Variants in NAV2 observed in about 807,000 individuals in gnomAD.
NAV2 encodes the protein neuron navigator 2, also known as helicase, APC down-regulated 1.
NAV2 carries 54 observed loss-of-function variants against 223.2 expected under a neutral mutation model. The observed-to-expected ratio is 0.24, with a 90% confidence interval of 0.19 to 0.30. NAV2 has a LOEUF of 0.30. Ranked by LOEUF, NAV2 falls within the 10% of genes least tolerant of loss-of-function variation. NAV2 has a pLI of 1.00. For missense variants in NAV2, 2,806 were observed against 3,147.5 expected (o/e 0.89, Z 2.60); for synonymous variants, 1,279 against 1,239.3 (o/e 1.03, Z -0.67).
Position 19,615,466 on chromosome 11 carries a change from G to A in NAV2, c.76-217018G>A, listed in dbSNP as rs947712769. On this transcript the variant is annotated intron_variant, in intron 1 of 37. Transcript: ENST00000360655. ...ACAGAGTGCCTCACCACTGTTTTGC[G>A]TTTATTATTGTTACTAAAAATGCAT... 1.6e-4 allele frequency among the ~76,000 whole-genome samples: 24 copies of A among 151,572 alleles called. 1 individual carries two copies. The highest frequency in any genetic ancestry group is 3.9e-4 in the Admixed American group (6 of 15,230).
At chr11:19,440,153 G>T (rs1435869777) in intron 1 of NAV2, among the ~76,000 whole-genome samples, 1 of 152,204 alleles carries the variant, frequency 6.6e-6, no homozygotes, top group African/African-American at 2.4e-5. Context: ...GCAAATGGCT[G>T]GTATACCAGA....
intron 1 of NAV2, among the ~76,000 whole-genome samples, chr11:19,802,887 G>A (rs762766219): frequency 6.6e-6 from 1 of 152,076 alleles, no homozygotes; most frequent in Non-Finnish European, 1.5e-5. Flanking sequence ...TTCCTAAGAA[G>A]CCATTAACCC....
chr11:19,565,006 A>G (rs1474819502), intron 1 of NAV2, among the ~76,000 whole-genome samples: 4 of 152,144 alleles, frequency 2.6e-5, no homozygotes, highest in Non-Finnish European at 4.4e-5. Context: ...GTGATGGCAG[A>G]TGCCTGTAAT....
In NAV2 at chr11:20,086,335, GCCTGTGTCCTT is replaced by G. The variant is rs560550831; in HGVS notation, c.5498+3167_5498+3177del. On this transcript the variant is annotated intron_variant, in intron 26 of 37. Transcript: ENST00000349880. ...TTCCAATCACACTCTCCACCTCAAG[GCCTGTGTCCTT>G]CCTGTGTCCTCTGCCTGGTGTGCTC... Among the ~76,000 whole-genome samples, 1,248 of 152,226 alleles carry G rather than the reference GCCTGTGTCCTT, an allele frequency of 8.2e-3. 5 individuals are homozygous for G. Among genetic ancestry groups the G allele is most frequent in the Non-Finnish European group, 0.015 (1,035 of 68,018 alleles).
At chr11:19,500,293 A>G (rs2042925007) in intron 1 of NAV2, among the ~76,000 whole-genome samples, 1 of 152,094 alleles carries the variant, frequency 6.6e-6, no homozygotes, top group East Asian at 1.9e-4. Context: ...ATGTCATAAG[A>G]GTGAGCTGAG....
intron 1 of NAV2, among the ~76,000 whole-genome samples, chr11:19,373,829 T>C (rs960111709): frequency 6.6e-6 from 1 of 152,186 alleles, no homozygotes; most frequent in Non-Finnish European, 1.5e-5. Context: ...TGTTACATGT[T>C]GAATGAAAGA....
chr11:19,660,412 C>T (rs932870392), intron 1 of NAV2, among the ~76,000 whole-genome samples: 5 of 152,110 alleles, frequency 3.3e-5, no homozygotes, highest in Admixed American at 6.5e-5. Context: ...AGGGTTCATA[C>T]GTTCCTGAAC....
chr11:19,419,050 T>C (rs1850501382), intron 1 of NAV2, among the ~76,000 whole-genome samples: 1 of 152,118 alleles, frequency 6.6e-6, no homozygotes, highest in East Asian at 1.9e-4. Context: ...CCTGTATATA[T>C]GTGATGAGAT....
chr11:20,107,690 A>T lies in NAV2; in HGVS notation c.6868A>T (p.Ile2290Phe). 2 of 1,614,050 alleles carry T rather than the reference A, an allele frequency of 1.2e-6. No homozygotes were observed. Among genetic ancestry groups the T allele is most frequent in the Non-Finnish European group, 1.7e-6 (2 of 1,180,000 alleles). ...CCCCCGGCTCTTCCTGTCATGCCCC[A>T]TCGATGTGGACGGCTCGAGAGTGTG... ...IGPRLFLSCPIDVDGSRVWFT... is the reference protein window; with the variant it reads ...IGPRLFLSCPFDVDGSRVWFT... The change falls in exon 36 of 38, where the codon ATC becomes TTC. Residue 2290 changes from isoleucine (I) to phenylalanine (F), a missense_variant. Coordinates refer to ENST00000349880, the MANE Select transcript of NAV2 (RefSeq NM_145117.5).
chr11:20,071,293 C>T (rs2059392629), intron 22 of NAV2, among the ~76,000 whole-genome samples: 1 of 152,166 alleles, frequency 6.6e-6, no homozygotes, highest in Admixed American at 6.5e-5. Flanking sequence ...GACATGAACT[C>T]ATCCTTTTTA....
At position 20,045,545 on chromosome 11, in the gene NAV2, C is replaced by A. The variant is rs147763383; in HGVS notation, c.3777C>A (p.Asn1259Lys). The A allele has an allele frequency of 1.9e-6, 3 of 1,614,034 alleles. No individual in the cohort carries two copies. Among genetic ancestry groups the A allele is most frequent in the Non-Finnish European group, 2.5e-6 (3 of 1,180,028 alleles). The change falls in exon 14 of 38, where the codon AAC becomes AAA. Residue 1259 changes from asparagine (N) to lysine (K), a missense_variant. Coordinates refer to ENST00000349880, the MANE Select transcript of NAV2 (RefSeq NM_145117.5). ...AGGAGAAAGGCATCTCATCAGACAA[C>A]GAGAGTGTGGCTTCCTGTAACTCGG... ...TDKEKGISSD[N>K]ESVASCNSVK...
chr11:19,647,820 A>C (rs566599302), intron 1 of NAV2, among the ~76,000 whole-genome samples: 2 of 152,188 alleles, frequency 1.3e-5, no homozygotes, highest in Non-Finnish European at 2.9e-5. Flanking sequence ...CTTTCTCCTA[A>C]CTGTGTCTGC....
intron 11 of NAV2, among the ~76,000 whole-genome samples, chr11:20,021,465 T>A (rs916244037): frequency 1.3e-5 from 2 of 152,190 alleles, no homozygotes; most frequent in African/African-American, 2.4e-5. Flanking sequence ...CATGTGCCTG[T>A]GTGTCTCCAT....
intron 4 of NAV2, among the ~76,000 whole-genome samples, chr11:19,874,622 G>T (rs1179597835): frequency 6.6e-6 from 1 of 152,176 alleles, no homozygotes; most frequent in African/African-American, 2.4e-5. Context: ...AATATGGAAA[G>T]AATATAATTC....
intron 1 of NAV2, among the ~76,000 whole-genome samples, chr11:19,587,064 A>T (rs2045924422): frequency 6.6e-6 from 1 of 152,300 alleles, no homozygotes; most frequent in Non-Finnish European, 1.5e-5. Flanking sequence ...TACCTACTCA[A>T]GCCTCAGCAA....
At chr11:19,686,289 AT>A (rs1283466334) in intron 1 of NAV2, among the ~76,000 whole-genome samples, 8 of 152,142 alleles carry the variant, frequency 5.3e-5, no homozygotes, top group African/African-American at 1.4e-4. Context: ...GTCTCTCAGA[AT>A]CAACCTTCTC....
At chr11:19,934,881 A>C (rs894557) in intron 7 of NAV2, among the ~76,000 whole-genome samples, 25,584 of 151,838 alleles carry the variant, frequency 0.17, 2,911 homozygotes, top group East Asian at 0.42. Context: ...GTGTTTGTGG[A>C]GATGGATGGA....
At chr11:19,872,040 G>A (rs1470699225) in intron 4 of NAV2, among the ~76,000 whole-genome samples, 1 of 152,146 alleles carries the variant, frequency 6.6e-6, no homozygotes. Flanking sequence ...ATGAAGATAT[G>A]AGTGTTAAAA....
chr11:19,975,959 G>A (rs2049697209), intron 10 of NAV2, among the ~76,000 whole-genome samples: 4 of 41,850 alleles, frequency 9.6e-5, no homozygotes, highest in South Asian at 1.8e-3. Context: ...TTCTGATTTC[G>A]ATAATGGTCT....
Sources: gnomAD v4.1 joint callset for allele counts (sites outside exome capture counted in the v4.1 genomes callset) on GRCh38, gnomAD v4.1.1 for gene constraint, MANE v1.5 for transcripts, NCBI Gene and HGNC (gene_info 2026-07-23, HGNC 2026-07-21) for gene names.